ARHGEF11: variants seen among roughly 807,000 people sequenced by gnomAD.
ARHGEF11 encodes Rho guanine nucleotide exchange factor 11.
A neutral mutation model predicts 193.7 loss-of-function variants in ARHGEF11; 55 were observed. That is an observed-to-expected ratio of 0.28 (90% CI 0.23 to 0.36). The LOEUF (loss-of-function observed/expected upper bound fraction) is 0.36. Among genes scored for constraint, ARHGEF11 ranks in the 10% least tolerant of loss-of-function variants. ARHGEF11 has a pLI of 1.00. For missense variants in ARHGEF11, 1,723 were observed against 2,005.6 expected, an observed-to-expected ratio of 0.86 and a Z score of 2.69; for synonymous variants, 693 against 768.0, an observed-to-expected ratio of 0.90 and a Z score of 1.62.
At position 156,980,414 on chromosome 1, in the gene ARHGEF11, G is replaced by T. The variant is rs1329078447; in HGVS notation, c.273+23C>A. ...CATCTATTTCCACTGCTGGGAGTGG[G>T]AGTGTGTGTTGGGGTCACTCACTTT... On this transcript the variant is annotated intron_variant, in intron 4 of 40. Transcript: ENST00000368194. 4 of 1,599,720 alleles carry T rather than the reference G, an allele frequency of 2.5e-6. No homozygotes were observed. The Admixed American group carries it at 6.8e-5, about 27-fold the overall frequency.
At chr1:156,985,178 C>G (rs1201373164) in intron 2 of ARHGEF11, among the ~76,000 whole-genome samples, 1 of 152,118 alleles carries the variant, frequency 6.6e-6, no homozygotes, top group Non-Finnish European at 1.5e-5. Context: ...AGAGTTAAAA[C>G]AGAACTGGTT....
At position 156,936,971 on chromosome 1, in the gene ARHGEF11, G is replaced by A. The variant is rs770844615; in HGVS notation, c.4475C>T (p.Ser1492Phe). The A allele has an allele frequency of 2.5e-6, 4 of 1,614,136 alleles. No homozygotes were observed. In the East Asian group the frequency reaches 8.9e-5, roughly 36 times the overall value. ...GCCACCAGATGACTCTCCCCCAAGG[G>A]ACTTGAGCAGCTCTCTGTGGGCCAG... Reference protein sequence around the residue: ...MELAHRELLKSLGGESSGGTT... With the variant: ...MELAHRELLKFLGGESSGGTT... The change falls in exon 40 of 41, where the codon TCC (serine) becomes TTC (phenylalanine). Residue 1492 changes from serine (S) to phenylalanine (F), a missense_variant. Ser to Phe is a radical substitution (Grantham distance 155). This residue lies in a region of ARHGEF11 where 360 missense variants were observed against 344.4 expected (regional missense o/e 1.05). Transcript: ENST00000368194.
At chr1:156,952,839 C>T (rs528608659) in intron 21 of ARHGEF11, among the ~76,000 whole-genome samples, 1 of 152,376 alleles carries the variant, frequency 6.6e-6, no homozygotes, top group African/African-American at 2.4e-5. Flanking sequence ...AGCAGATCTG[C>T]CTGTCCCAGC....
chr1:156,996,957 T>C (rs1557926484), intron 1 of ARHGEF11, among the ~76,000 whole-genome samples: 1 of 150,050 alleles, frequency 6.7e-6, no homozygotes, highest in African/African-American at 2.5e-5. Flanking sequence ...CAGTTCCTGG[T>C]CTTATCTGAT....
chr1:156,963,596 T>TG lies in ARHGEF11; in HGVS notation c.964-3dup, dbSNP rs1290525389. Reference sequence around the variant, plus strand: ...AGGCTTTGGGCTTTGATCTACACCCTGGGGGAGAGAGTCAAATTGCAGAGA... The same window carrying TG: ...AGGCTTTGGGCTTTGATCTACACCCTGGGGGGAGAGAGTCAAATTGCAGAGA... On this transcript the variant is annotated splice_polypyrimidine_tract_variant and splice_region_variant and intron_variant, in intron 11 of 40. Coordinates refer to ENST00000368194, the MANE Select transcript of ARHGEF11 (RefSeq NM_198236.3). 6.2e-7 allele frequency: 1 copy of TG among 1,613,572 alleles called. No individual in the cohort carries two copies. Among genetic ancestry groups the TG allele is most frequent in the Admixed American group, 1.7e-5 (1 of 59,884 alleles).
chr1:156,957,643 C>A, intron 18 of ARHGEF11, 149 bp downstream of exon 18: 1 of 824,060 alleles, frequency 1.2e-6, no homozygotes, highest in Non-Finnish European at 2.1e-6. Flanking sequence ...CATACAGACA[C>A]CTGAGTGCTA....
chr1:156,946,238 G>T, intron 28 of ARHGEF11, 76 bp from the exon 29 acceptor site: 1 of 1,239,378 alleles, frequency 8.1e-7, no homozygotes, highest in Non-Finnish European at 1.2e-6. Context: ...GGGCCAAGAT[G>T]GGTGTGAACA....
At chr1:156,978,063 A>T in intron 6 of ARHGEF11, 141 bp downstream of exon 6, 1 of 1,334,168 alleles carries the variant, frequency 7.5e-7, no homozygotes, top group Non-Finnish European at 1.0e-6. Context: ...TTTTTGTTCA[A>T]CTCTTTCAAT....
chr1:156,968,213 C>A, intron 10 of ARHGEF11, 89 bp from the exon 11 acceptor site: 1 of 1,432,384 alleles, frequency 7.0e-7, no homozygotes, highest in Non-Finnish European at 9.5e-7. Flanking sequence ...GATAACCATA[C>A]TTATAACATC....
intron 29 of ARHGEF11, chr1:156,945,453 C>G (rs1162680275): frequency 2.0e-6 from 1 of 507,024 alleles, no homozygotes; most frequent in African/African-American, 1.9e-5. Flanking sequence ...CTACTACAAC[C>G]AGCTCTACAG....
chr1:157,036,196 AATATATATAC>A (rs1468256189), intron 1 of ARHGEF11, among the ~76,000 whole-genome samples: 1,765 of 132,286 alleles, frequency 0.013, 42 homozygotes, highest in African/African-American at 0.046. Flanking sequence ...TACATATATG[AATATATATAC>A]ATATATATAT....
intron 1 of ARHGEF11, among the ~76,000 whole-genome samples, chr1:157,035,401 C>CT (rs113951875): frequency 0.015 from 2,076 of 142,442 alleles, 12 homozygotes; most frequent in East Asian, 0.018. Context: ...TCACAAAATG[C>CT]TTTTTTTTTT....
chr1:156,938,361 C>A, intron 38 of ARHGEF11, 57 bp downstream of exon 38: 1 of 1,544,068 alleles, frequency 6.5e-7, no homozygotes, highest in South Asian at 1.2e-5. Context: ...ACTCTGCCCT[C>A]ACAGGTTCCA....
chr1:157,005,335 G>C (rs1035375952), intron 1 of ARHGEF11, among the ~76,000 whole-genome samples: 2 of 152,158 alleles, frequency 1.3e-5, no homozygotes, highest in African/African-American at 4.8e-5. Context: ...AGAGGGTCTG[G>C]GTTCCCTGGA....
chr1:157,021,834 A>T (rs892821838), intron 1 of ARHGEF11, among the ~76,000 whole-genome samples: 2 of 152,238 alleles, frequency 1.3e-5, no homozygotes, highest in Non-Finnish European at 2.9e-5. Context: ...AGCAATATGG[A>T]TAAAGGATTC....
chr1:156,959,998 G>C, intron 15 of ARHGEF11, among the ~76,000 whole-genome samples: 1 of 143,078 alleles, frequency 7.0e-6, no homozygotes, highest in East Asian at 2.1e-4. Flanking sequence ...AGGGAGGATG[G>C]AGCGAGGCCC....
intron 3 of ARHGEF11, among the ~76,000 whole-genome samples, chr1:156,982,198 T>A (rs1054702888): frequency 3.3e-5 from 5 of 152,204 alleles, no homozygotes; most frequent in Non-Finnish European, 7.4e-5. Flanking sequence ...TAGTGTTTTT[T>A]TTTTTTAAAC....
At chr1:156,944,904 C>T (rs1371314006) in intron 30 of ARHGEF11, 115 bp downstream of exon 30, 3 of 1,371,948 alleles carry the variant, frequency 2.2e-6, no homozygotes, top group Non-Finnish European at 3.0e-6. Context: ...CATTGTGCCA[C>T]CCTATCTGGT....
At chr1:156,941,288 C>T (rs1038199865) in intron 35 of ARHGEF11, 84 bp downstream of exon 35, 2 of 1,313,664 alleles carry the variant, frequency 1.5e-6, no homozygotes, top group African/African-American at 1.4e-5. Context: ...GATGGACTCT[C>T]CCATCGCCCC....
Sources: gnomAD v4.1 joint callset for allele counts (sites outside exome capture counted in the v4.1 genomes callset) on GRCh38, gnomAD v4.1.1 for gene constraint, gnomAD v4.1.1 regional missense constraint, MANE v1.5 for transcripts, NCBI Gene and HGNC (gene_info 2026-07-23, HGNC 2026-07-21) for gene names.